Variants in EYS observed in about 807,000 individuals in gnomAD.
EYS encodes EGF-like photoreceptor maintenance factor, also known as protein eyes shut homolog.
Under a neutral mutation model 282.1 loss-of-function variants are expected in EYS, and 250 were observed. The observed-to-expected ratio is 0.89, with a 90% CI of 0.80 to 0.98. EYS has a LOEUF of 0.98. Among genes scored for constraint, EYS ranks in the 50% least tolerant of loss-of-function variants. The pLI is 0.00. For synonymous variants in EYS, 1,355 were observed against 1,282.9 expected (o/e 1.06, Z -1.20); for missense variants, 4,016 against 3,709.0 (o/e 1.08, Z -2.15).
intron 1 of EYS, among the ~76,000 whole-genome samples, chr6:65,653,038 G>A (rs1767707425): frequency 6.6e-6 from 1 of 151,884 alleles, no homozygotes. Context: ...GTGTTAACAG[G>A]CAGAAGCTAC....
chr6:65,237,964 C>G (rs2150273482), intron 12 of EYS, among the ~76,000 whole-genome samples: 1 of 152,000 alleles, frequency 6.6e-6, no homozygotes, highest in East Asian at 1.9e-4. Context: ...ATTTGTGTTT[C>G]AAATGATCAC....
At chr6:65,309,033 G>A (rs1395486279) in intron 11 of EYS, among the ~76,000 whole-genome samples, 1 of 152,152 alleles carries the variant, frequency 6.6e-6, no homozygotes, top group Admixed American at 6.5e-5. Context: ...GTCATGCAGA[G>A]GTTGAGAATT....
At chr6:65,702,651 C>T (rs1237035603) in intron 1 of EYS, among the ~76,000 whole-genome samples, 1 of 151,964 alleles carries the variant, frequency 6.6e-6, no homozygotes, top group Non-Finnish European at 1.5e-5. Context: ...GAGACAGCAC[C>T]AGGGCATTCC....
At chr6:64,536,760 T>C (rs1764529899) in intron 26 of EYS, among the ~76,000 whole-genome samples, 1 of 151,614 alleles carries the variant, frequency 6.6e-6, no homozygotes, top group Admixed American at 6.6e-5. Flanking sequence ...AATGTAAATA[T>C]CATGCAATGT....
chr6:65,489,030 G>A (rs901962294), intron 5 of EYS, among the ~76,000 whole-genome samples: 1 of 152,074 alleles, frequency 6.6e-6, no homozygotes, highest in African/African-American at 2.4e-5. Flanking sequence ...AATCCTAGAG[G>A]AAAACCTGGG....
chr6:64,978,504 C>A (rs1484808098), intron 14 of EYS, among the ~76,000 whole-genome samples: 1 of 151,892 alleles, frequency 6.6e-6, no homozygotes, highest in Non-Finnish European at 1.5e-5. Context: ...ATTTTCATGC[C>A]TGCTAATACA....
intron 29 of EYS, among the ~76,000 whole-genome samples, chr6:64,376,014 C>T (rs610848): frequency 6.6e-6 from 1 of 151,942 alleles, no homozygotes; most frequent in African/African-American, 2.4e-5. Flanking sequence ...CCTGCTATTC[C>T]ATAAAAAAAT....
intron 36 of EYS, among the ~76,000 whole-genome samples, chr6:63,853,867 A>C (rs1251671906): frequency 5.9e-5 from 9 of 152,224 alleles, no homozygotes; most frequent in Non-Finnish European, 8.8e-5. Flanking sequence ...AAACCTGACA[A>C]AAACAAGCAA....
intron 29 of EYS, among the ~76,000 whole-genome samples, chr6:64,372,428 C>A (rs1465406243): frequency 6.6e-6 from 1 of 151,990 alleles, no homozygotes; most frequent in Admixed American, 6.6e-5. Flanking sequence ...GACAGGGTAT[C>A]CTCTGTGGGT....
At chr6:65,461,138 T>C (rs1437441739) in intron 5 of EYS, among the ~76,000 whole-genome samples, 1 of 152,136 alleles carries the variant, frequency 6.6e-6, no homozygotes, top group African/African-American at 2.4e-5. Context: ...TTCTGTCATA[T>C]AAATGAGGCA....
chr6:64,211,625 A>ATTAAATTTAGCAAAATTTAATTTTGC (rs1765775858), intron 31 of EYS, among the ~76,000 whole-genome samples: 1 of 148,186 alleles, frequency 6.7e-6, no homozygotes. Flanking sequence ...ATATATATGA[A>ATTAAATTTAGCAAAATTTAATTTTGC]TTAAATTTAG....
At chr6:65,266,564 A>T (rs141567370) in intron 12 of EYS, among the ~76,000 whole-genome samples, 1 of 151,906 alleles carries the variant, frequency 6.6e-6, no homozygotes, top group African/African-American at 2.4e-5. Flanking sequence ...ATGTAAATTG[A>T]TCGTGGTGCA....
chr6:64,196,859 C>G (rs1765305721), intron 31 of EYS, among the ~76,000 whole-genome samples: 1 of 151,970 alleles, frequency 6.6e-6, no homozygotes, highest in East Asian at 1.9e-4. Context: ...CTAACCTGCA[C>G]ATTGTGCACA....
intron 26 of EYS, among the ~76,000 whole-genome samples, chr6:64,576,259 G>C (rs1765876194): frequency 6.6e-6 from 1 of 152,026 alleles, no homozygotes; most frequent in South Asian, 2.1e-4. Flanking sequence ...ATTGTGACTT[G>C]GCGATCAGTG....
chr6:65,586,870 T>C (rs1183227047), intron 2 of EYS, among the ~76,000 whole-genome samples: 1 of 152,068 alleles, frequency 6.6e-6, no homozygotes, highest in Non-Finnish European at 1.5e-5. Context: ...ATGTATTTTT[T>C]CTGTTCAACT....
chr6:64,048,390 A>G (rs1459175214), intron 33 of EYS, among the ~76,000 whole-genome samples: 1 of 152,062 alleles, frequency 6.6e-6, no homozygotes, highest in African/African-American at 2.4e-5. Flanking sequence ...TTGGTTCTGC[A>G]TGGCTCTGTG....
intron 29 of EYS, among the ~76,000 whole-genome samples, chr6:64,313,313 C>G (rs934608007): frequency 4.6e-5 from 3 of 64,860 alleles, no homozygotes; most frequent in African/African-American, 1.2e-4. Context: ...TGAAATAAAG[C>G]AAGAAGACAA....
At chr6:63,882,391 A>T (rs1048891457) in intron 35 of EYS, among the ~76,000 whole-genome samples, 4 of 152,186 alleles carry the variant, frequency 2.6e-5, no homozygotes, top group South Asian at 2.1e-4. Flanking sequence ...GAGTTCCTTG[A>T]TGTTGTTCCA....
intron 22 of EYS, among the ~76,000 whole-genome samples, chr6:64,729,677 T>A (rs1175405649): frequency 2.0e-5 from 3 of 152,322 alleles, no homozygotes; most frequent in African/African-American, 7.2e-5. Context: ...GTAATCATGT[T>A]TTTTTGTCCG....
Sources: allele counts gnomAD v4.1 joint callset (sites outside exome capture counted in the v4.1 genomes callset), GRCh38; gene constraint gnomAD v4.1.1; transcripts MANE v1.5; gene names NCBI Gene and HGNC (gene_info 2026-07-23, HGNC 2026-07-21).